Variants in TG observed in about 807,000 individuals in gnomAD.
TG encodes thyroglobulin, also known as thyroid hormones.
A neutral mutation model predicts 324.7 loss-of-function variants in TG; 270 were observed. That is an observed-to-expected ratio of 0.83 (90% confidence interval 0.75 to 0.92). TG has a LOEUF of 0.92. TG is among the 40% of genes least tolerant of loss of function. TG has a pLI of 0.00. For missense variants in TG, 3,591 were observed against 3,456.4 expected, an observed-to-expected ratio of 1.04 and a Z score of -0.98; for synonymous variants, 1,401 against 1,327.0, an observed-to-expected ratio of 1.06 and a Z score of -1.21.
chr8:132,952,748 G>T (rs998337016), intron 27 of TG, among the ~76,000 whole-genome samples: 1 of 152,154 alleles, frequency 6.6e-6, no homozygotes, highest in Non-Finnish European at 1.5e-5. Flanking sequence ...CAACTCAATC[G>T]ATCCTTTGGG....
rs114349877 is a variant in TG at position 132,873,091 on chromosome 8, C to T, written c.508C>T (p.Arg170Cys). 2.2e-5 allele frequency: 36 copies of T among 1,614,122 alleles called. No individual in the cohort carries two copies. The highest frequency in any genetic ancestry group is 1.6e-4 in the Middle Eastern group (1 of 6,062). ...CPRSCEIRNRRLLHGVGDKSP... is the reference protein window; with the variant it reads ...CPRSCEIRNRCLLHGVGDKSP... ...AAGGAGCTGTGAAATAAGAAATCGTCGTCTTCTCCACGGGGTGGGAGATAA... is the reference window on the plus strand; with the variant it reads ...AAGGAGCTGTGAAATAAGAAATCGTTGTCTTCTCCACGGGGTGGGAGATAA... The change falls in exon 5 of 48, where the codon CGT becomes TGT. Residue 170 changes from arginine (R) to cysteine (C), a missense_variant. Coordinates refer to ENST00000220616, the MANE Select transcript of TG (RefSeq NM_003235.5).
Position 132,935,827 on chromosome 8 carries a change from C to A in TG, c.5004C>A (p.Ser1668Arg). ...GSLRCQVKVR[S>R]HGQDSPAVYL... is the part of the protein sequence containing the mutation. ...TTCGCTGCCAGGTGAAAGTGAGGAG[C>A]CATGGTCAAGATTCTCCAGCTGTGT... Residue 1668 changes from serine (S) to arginine (R), a missense_variant, in exon 25 of 48, where the codon AGC becomes AGA. Physicochemically the swap from Ser to Arg is moderately radical, Grantham distance 110. Coordinates refer to ENST00000220616, the MANE Select transcript of TG (RefSeq NM_003235.5). 1.9e-6 allele frequency: 3 copies of A among 1,612,736 alleles called. No homozygotes were observed. The South Asian group carries it at 3.3e-5, about 18-fold the overall frequency.
At chr8:132,918,928 T>C (rs536890752) in intron 20 of TG, among the ~76,000 whole-genome samples, 2 of 152,192 alleles carry the variant, frequency 1.3e-5, no homozygotes, top group Non-Finnish European at 2.9e-5. Flanking sequence ...AAATACAGAC[T>C]TTCCATGGGT....
In TG at chr8:132,888,051, C is replaced by T. The variant is rs771332701; in HGVS notation, c.2244C>T (p.Asn748=). The T allele has an allele frequency of 2.5e-6, 4 of 1,614,080 alleles. No individual in the cohort carries two copies. The African/African-American group carries it at 5.3e-5, about 22-fold the overall frequency. Residue 748 remains asparagine, a synonymous_variant, in exon 10 of 48, where the codon AAC becomes AAT. Transcript: ENST00000220616. Reference sequence around the variant, plus strand: ...GGACGGTGCAGGCCCTGCTCTCTAACTCCAGCATGCTACCCACCCTTTCCG... The same window carrying T: ...GGACGGTGCAGGCCCTGCTCTCTAATTCCAGCATGCTACCCACCCTTTCCG... The part of the protein sequence containing the change: ...FLRTVQALLS[N]SSMLPTLSDT...
intron 41 of TG, among the ~76,000 whole-genome samples, chr8:133,054,612 G>C (rs942707453): frequency 1.3e-5 from 2 of 152,176 alleles, no homozygotes; most frequent in African/African-American, 4.8e-5. Context: ...CTCAAGACCA[G>C]TGTTAGCCAA....
At chr8:133,133,439 C>T in intron 46 of TG, 31 bp from the exon 47 acceptor site, 1 of 1,603,988 alleles carries the variant, frequency 6.2e-7, no homozygotes, top group African/African-American at 1.3e-5. Context: ...AAATTTCCCT[C>T]ATGGATATTT....
At chr8:132,875,547 C>T (rs2132076713) in intron 5 of TG, among the ~76,000 whole-genome samples, 1 of 152,290 alleles carries the variant, frequency 6.6e-6, no homozygotes, top group Middle Eastern at 3.4e-3. Context: ...GGCACAGAGC[C>T]TTGCACACAG....
intron 43 of TG, among the ~76,000 whole-genome samples, chr8:133,103,820 C>G (rs1167711969): frequency 6.6e-6 from 1 of 152,192 alleles, no homozygotes; most frequent in African/African-American, 2.4e-5. Context: ...GCGCTGGACT[C>G]TCTCTAGGCT....
At position 132,873,073 on chromosome 8, in the gene TG, TGTG is replaced by T; in HGVS notation, c.491_493del (p.Cys164_Glu165delinsTer). 6.2e-7 allele frequency: 1 copy of T among 1,614,172 alleles called. No individual in the cohort carries two copies. The highest frequency in any genetic ancestry group is 8.5e-7 in the Non-Finnish European group (1 of 1,180,038). ...GTGAAAATGTTTAGGTCCAAGGAGC[TGTG>T]AAATAAGAAATCGTCGTCTTCTCCA... On this transcript the variant is annotated stop_gained and inframe_deletion, in exon 5 of 48. Transcript: ENST00000220616. LOFTEE classifies it high-confidence loss of function.
intron 41 of TG, among the ~76,000 whole-genome samples, chr8:133,061,570 G>A (rs72729520): frequency 0.041 from 6,283 of 152,304 alleles, 185 homozygotes; most frequent in Non-Finnish European, 0.062. Flanking sequence ...CTGGATGGTG[G>A]AAGCACAGAG....
At chr8:132,901,208 C>G in intron 15 of TG, 145 bp from the exon 16 acceptor site, 1 of 860,518 alleles carries the variant, frequency 1.2e-6, no homozygotes, top group Non-Finnish European at 1.9e-6. Flanking sequence ...ATTCAACCTC[C>G]TGGTGGGGAG....
intron 41 of TG, chr8:133,050,594 G>A (rs1840218647): frequency 6.3e-6 from 3 of 478,170 alleles, no homozygotes; most frequent in South Asian, 3.1e-5. Context: ...GCCAAGTTAA[G>A]GAATTTAAAT....
At chr8:132,923,620 T>A in intron 22 of TG, 112 bp downstream of exon 22, 2 of 1,299,378 alleles carry the variant, frequency 1.5e-6, no homozygotes, top group Non-Finnish European at 2.1e-6. Context: ...ACTTTTTGTT[T>A]TGAAAAATTT....
At chr8:133,084,777 C>CCACAGGCAAGGGGGA (rs1846274608) in intron 41 of TG, among the ~76,000 whole-genome samples, 1 of 152,230 alleles carries the variant, frequency 6.6e-6, no homozygotes, top group South Asian at 2.1e-4. Context: ...GGGAAGGCCT[C>CCACAGGCAAGGGGGA]CACACTGTGC....
At chr8:132,869,519 G>A (rs2132033186) in intron 2 of TG, among the ~76,000 whole-genome samples, 1 of 152,320 alleles carries the variant, frequency 6.6e-6, no homozygotes, top group Non-Finnish European at 1.5e-5. Flanking sequence ...AATGGCTGGG[G>A]CAGGAGGCAG....
chr8:133,100,771 A>G (rs1849119683), intron 43 of TG, among the ~76,000 whole-genome samples: 1 of 152,218 alleles, frequency 6.6e-6, no homozygotes, highest in Non-Finnish European at 1.5e-5. Flanking sequence ...AATAAAGGCT[A>G]CTATGTGCAA....
intron 43 of TG, 135 bp downstream of exon 43, chr8:133,096,508 G>T: frequency 9.0e-7 from 1 of 1,110,340 alleles, no homozygotes; most frequent in Non-Finnish European, 1.3e-6. Flanking sequence ...GTGAGTTTAG[G>T]AGGTGGTAAT....
intron 4 of TG, among the ~76,000 whole-genome samples, chr8:132,871,864 C>T (rs1377315414): frequency 6.6e-6 from 1 of 152,182 alleles, no homozygotes; most frequent in Non-Finnish European, 1.5e-5. Context: ...CCATGTGCTG[C>T]ATACGGATGT....
chr8:133,009,150 A>G (rs1475032377), intron 35 of TG, among the ~76,000 whole-genome samples: 1 of 152,234 alleles, frequency 6.6e-6, no homozygotes, highest in Non-Finnish European at 1.5e-5. Context: ...CAACCTAAAC[A>G]CAGAGTATGG....
Sources: gnomAD v4.1 joint callset for allele counts (sites outside exome capture counted in the v4.1 genomes callset) on GRCh38, gnomAD v4.1.1 for gene constraint, MANE v1.5 for transcripts, NCBI Gene and HGNC (gene_info 2026-07-23, HGNC 2026-07-21) for gene names.